The following POLN variants were observed in gnomAD, a reference collection of about 807,000 sequenced individuals.
POLN encodes the protein DNA polymerase N.
Under a neutral mutation model 113.5 loss-of-function variants are expected in POLN, and 108 were observed. The observed-to-expected ratio is 0.95, with a 90% CI of 0.81 to 1.12. The LOEUF (loss-of-function observed/expected upper bound fraction) is 1.12. Among genes scored for constraint, POLN ranks in the 50% most tolerant of loss-of-function variants. The pLI is 0.00. For synonymous variants in POLN, 386 were observed against 391.5 expected (o/e 0.99, Z 0.17); for missense variants, 1,097 against 1,077.1 (o/e 1.02, Z -0.26).
At chr4:2,073,692 T>G (rs1730207355) in intron 24 of POLN, among the ~76,000 whole-genome samples, 1 of 152,236 alleles carries the variant, frequency 6.6e-6, no homozygotes, top group African/African-American at 2.4e-5. Flanking sequence ...AGCCCCTGGA[T>G]AAACATTCGT....
intron 2 of POLN, 142 bp from the exon 3 acceptor site, chr4:2,229,385 T>C (rs1734496285): frequency 1.5e-6 from 1 of 653,944 alleles, no homozygotes; most frequent in Non-Finnish European, 2.4e-6. Flanking sequence ...TAGGCATCAA[T>C]CATCCAATAA....
At chr4:2,072,510 G>C (rs565104405) in intron 25 of POLN, among the ~76,000 whole-genome samples, 1 of 152,192 alleles carries the variant, frequency 6.6e-6, no homozygotes, top group African/African-American at 2.4e-5. Flanking sequence ...TCCCAGTCAC[G>C]ACACCTCGAT....
chr4:2,083,515 T>A (rs1056592230), intron 21 of POLN, among the ~76,000 whole-genome samples: 16 of 152,244 alleles, frequency 1.1e-4, no homozygotes, highest in African/African-American at 3.9e-4. Context: ...GACTCCCTTG[T>A]GGCCTAAGGC....
At chr4:2,231,738 C>G in intron 2 of POLN, 2 of 444,670 alleles carry the variant, frequency 4.5e-6, no homozygotes, top group East Asian at 8.1e-5. Flanking sequence ...AACACATGCT[C>G]AAGTCATAAA....
At chr4:2,150,453 C>CT (rs1216901499) in intron 16 of POLN, among the ~76,000 whole-genome samples, 4 of 152,128 alleles carry the variant, frequency 2.6e-5, no homozygotes, top group Admixed American at 1.3e-4. Flanking sequence ...TCTCAGCAGG[C>CT]TTTTTTGTAA....
intron 16 of POLN, among the ~76,000 whole-genome samples, chr4:2,154,462 G>T (rs1006697291): frequency 1.3e-5 from 2 of 152,060 alleles, no homozygotes; most frequent in Non-Finnish European, 2.9e-5. Flanking sequence ...TAAAGAAATG[G>T]AAATTGAAAA....
intron 4 of POLN, among the ~76,000 whole-genome samples, chr4:2,209,738 T>A (rs1733943804): frequency 7.1e-6 from 1 of 140,848 alleles, no homozygotes; most frequent in Non-Finnish European, 1.5e-5. Context: ...CTCAGCTCAC[T>A]GCAACTTCCA....
chr4:2,110,612 C>T (rs1731168682), intron 19 of POLN, among the ~76,000 whole-genome samples: 3 of 152,186 alleles, frequency 2.0e-5, no homozygotes, highest in Non-Finnish European at 2.9e-5. Flanking sequence ...CTATAAACAC[C>T]TCTACGCAAA....
chr4:2,212,992 T>C (rs1352965580), intron 4 of POLN, 55 bp downstream of exon 4: 4 of 1,237,258 alleles, frequency 3.2e-6, no homozygotes, highest in South Asian at 1.3e-5. Flanking sequence ...TTAATAAGCA[T>C]CTATTGAACA....
intron 16 of POLN, among the ~76,000 whole-genome samples, chr4:2,147,933 G>A (rs919021295): frequency 2.6e-5 from 4 of 151,984 alleles, no homozygotes; most frequent in Non-Finnish European, 4.4e-5. Flanking sequence ...ATGAGCCACC[G>A]TGCCCAGCCC....
chr4:2,078,954 G>A (rs1393757990), intron 23 of POLN: 1 of 983,794 alleles, frequency 1.0e-6, no homozygotes, highest in Non-Finnish European at 1.2e-6. Context: ...TTTTGAGGCA[G>A]GTTCTTGCCC....
At chr4:2,158,228 A>C (rs949030863) in intron 14 of POLN, among the ~76,000 whole-genome samples, 3 of 152,186 alleles carry the variant, frequency 2.0e-5, no homozygotes, top group African/African-American at 7.2e-5. Context: ...CTGGGATTAC[A>C]GGTGTGAGCC....
At chr4:2,178,984 G>A (rs1034079245) in intron 8 of POLN, among the ~76,000 whole-genome samples, 5 of 152,098 alleles carry the variant, frequency 3.3e-5, no homozygotes, top group South Asian at 2.1e-4. Context: ...CTCTGGCACT[G>A]TGGCCACGTC....
rs1730189492 is a variant in POLN at position 2,073,034 on chromosome 4, A to G, written c.2456-5T>C. The G allele has an allele frequency of 6.2e-7, 1 of 1,613,178 alleles. No individual in the cohort carries two copies. Among genetic ancestry groups the G allele is most frequent in the Middle Eastern group, 1.7e-4 (1 of 6,058 alleles). On this transcript the variant is annotated splice_region_variant and splice_polypyrimidine_tract_variant and intron_variant, in intron 24 of 25. Coordinates refer to ENST00000511885, the MANE Select transcript of POLN (RefSeq NM_181808.4). ...CCATGGTCCTCCTGACGAGAGCTAGAGTGCGGAAGAGAGAGGAGGCCCTGC... is the reference window on the plus strand; with the variant it reads ...CCATGGTCCTCCTGACGAGAGCTAGGGTGCGGAAGAGAGAGGAGGCCCTGC...
intron 8 of POLN, among the ~76,000 whole-genome samples, chr4:2,177,767 G>A (rs1183388600): frequency 6.6e-6 from 1 of 152,238 alleles, no homozygotes; most frequent in Admixed American, 6.5e-5. Context: ...ATGAAGTGTG[G>A]GTAGGGATAC....
intron 4 of POLN, among the ~76,000 whole-genome samples, chr4:2,209,579 T>C (rs1244556456): frequency 1.3e-5 from 2 of 150,740 alleles, no homozygotes; most frequent in Non-Finnish European, 2.9e-5. Flanking sequence ...CTAATCAAGG[T>C]GGGGAAAGCA....
chr4:2,207,891 T>C (rs563140209), intron 5 of POLN, 96 bp downstream of exon 5: 34 of 1,387,882 alleles, frequency 2.4e-5, no homozygotes, highest in Non-Finnish European at 3.2e-5. Context: ...AGCCTTAAAA[T>C]CTTGTTTCTA....
chr4:2,081,718 T>C lies in POLN; in HGVS notation c.2223A>G (p.Arg741=), dbSNP rs1730425469. Residue 741 remains arginine (R), a synonymous_variant, in exon 22 of 26, where the codon AGA becomes AGG. Transcript: ENST00000511885. ...QTGCVVSIMG[R]RRPLPRIHAH... is the part of the protein sequence containing the mutation. ...CGTGAATCCTTGGCAGGGGTCTCCTTCTGCCCATGATGGACACCACACAGC... is the reference window on the plus strand; with the variant it reads ...CGTGAATCCTTGGCAGGGGTCTCCTCCTGCCCATGATGGACACCACACAGC... 6.2e-7 allele frequency: 1 copy of C among 1,613,892 alleles called. No individual in the cohort carries two copies. Among genetic ancestry groups the C allele is most frequent in the African/African-American group, 1.3e-5 (1 of 74,892 alleles).
intron 2 of POLN, chr4:2,238,854 T>A (rs1362919844): frequency 2.5e-6 from 4 of 1,613,104 alleles, no homozygotes; most frequent in Non-Finnish European, 2.5e-6. Context: ...TGTCTTGCTG[T>A]ATAATAATCT....
Sources: allele counts gnomAD v4.1 joint callset (sites outside exome capture counted in the v4.1 genomes callset), GRCh38; gene constraint gnomAD v4.1.1; transcripts MANE v1.5; gene names NCBI Gene and HGNC (gene_info 2026-07-23, HGNC 2026-07-21).